Variants in RSPH1 observed in about 807,000 individuals in gnomAD.
RSPH1 encodes radial spoke head component 1, also known as radial spoke head 1 homolog.
Under a neutral mutation model 44.2 loss-of-function variants are expected in RSPH1, and 32 were observed. The ratio of observed to expected loss-of-function variants is 0.72; its 90% CI spans 0.55 to 0.97. The LOEUF (loss-of-function observed/expected upper bound fraction) is 0.97, where lower values mean the gene tolerates loss of function less well. RSPH1 is among the 50% of genes least tolerant of loss of function. RSPH1 has a pLI of 0.00. For synonymous variants in RSPH1, 134 were observed against 147.3 expected, an observed-to-expected ratio of 0.91 and a Z score of 0.65; for missense variants, 391 against 398.7, an observed-to-expected ratio of 0.98 and a Z score of 0.16.
chr21:42,487,142 G>A (rs4920113), intron 3 of RSPH1, among the ~76,000 whole-genome samples: 49,161 of 151,976 alleles, frequency 0.32, 9,447 homozygotes, highest in Admixed American at 0.53. Context: ...GTCCTTATAG[G>A]CTTGGTAGGC....
At chr21:42,484,500 A>G (rs941356457) in intron 5 of RSPH1, among the ~76,000 whole-genome samples, 1 of 152,270 alleles carries the variant, frequency 6.6e-6, no homozygotes, top group African/African-American at 2.4e-5. Flanking sequence ...ATTCTGTGTC[A>G]GATGACTGTA....
At chr21:42,477,594 T>G in intron 6 of RSPH1, 150 bp from the exon 7 acceptor site, 1 of 734,406 alleles carries the variant, frequency 1.4e-6, no homozygotes, top group Non-Finnish European at 2.3e-6. Flanking sequence ...TCAGACCAGT[T>G]GCTGACTATC....
chr21:42,486,504 G>T, intron 3 of RSPH1, 43 bp from the exon 4 acceptor site: 1 of 1,352,056 alleles, frequency 7.4e-7, no homozygotes, highest in Non-Finnish European at 1.1e-6. Flanking sequence ...GAGAAGAAGG[G>T]ATCGATGCCC....
chr21:42,476,795 C>T (rs2054056149), intron 7 of RSPH1, among the ~76,000 whole-genome samples: 1 of 152,150 alleles, frequency 6.6e-6, no homozygotes, highest in South Asian at 2.1e-4. Context: ...CTGTTTCTTT[C>T]CTCTCCCCTC....
chr21:42,493,186 C>A lies in RSPH1; in HGVS notation c.55-107G>T, dbSNP rs921773496. The A allele has an allele frequency of 4.5e-6, 4 of 897,944 alleles. No homozygotes were observed. In the African/African-American group the frequency reaches 5.0e-5, roughly 11 times the overall value. The allele number at this position is 897,944 out of a possible 1,614,324, so 55.6% of individuals were successfully genotyped here. A position where few individuals can be genotyped will look rare whatever the true frequency, so the allele number is the denominator to read the frequency against. On this transcript the variant is annotated intron_variant, in intron 1 of 8. Transcript: ENST00000291536. ...CCTTGAGTCATCCCACTATGCTAAA[C>A]CCCCGGCACTATACTCAATTGTCCC...
In RSPH1 at chr21:42,475,955, G is replaced by A; in HGVS notation, c.820C>T (p.Leu274Phe). 6.2e-7 allele frequency: 1 copy of A among 1,612,640 alleles called. No homozygotes were observed. Among genetic ancestry groups the A allele is most frequent in the Non-Finnish European group, 8.5e-7 (1 of 1,179,740 alleles). ...TCATACTCCCGGCTCTCTTCCCGGAGGACGTCTGCATCTTCATCTCCAGGC... is the reference window on the plus strand; with the variant it reads ...TCATACTCCCGGCTCTCTTCCCGGAAGACGTCTGCATCTTCATCTCCAGGC... ...MRPGDEDADV[L>F]REESREYDQE... The change falls in exon 8 of 9, where the codon CTC becomes TTC. Residue 274 changes from leucine to phenylalanine, a missense_variant. Leu to Phe is a conservative substitution (Grantham distance 22). Coordinates refer to ENST00000291536, the MANE Select transcript of RSPH1 (RefSeq NM_080860.4).
chr21:42,477,922 T>C (rs1238696116), intron 6 of RSPH1, among the ~76,000 whole-genome samples: 2 of 152,096 alleles, frequency 1.3e-5, no homozygotes, highest in Non-Finnish European at 2.9e-5. Context: ...ATATAAATAA[T>C]AAAAGAAACA....
intron 6 of RSPH1, among the ~76,000 whole-genome samples, chr21:42,479,125 C>T (rs144580418): frequency 4.6e-5 from 7 of 152,252 alleles, no homozygotes; most frequent in South Asian, 4.1e-4. Flanking sequence ...ACTCTATAAA[C>T]GTACATATAA....
chr21:42,477,397 T>C lies in RSPH1; in HGVS notation c.621A>G (p.Pro207=). The change falls in exon 7 of 9, where the codon CCA becomes CCG. Residue 207 remains proline (P), a synonymous_variant. Coordinates refer to ENST00000291536, the MANE Select transcript of RSPH1 (RefSeq NM_080860.4). ...EEEEELVTVV[P]KWKATQITEL... ...CAGTGATTTGGGTAGCTTTCCATTT[T>C]GGAACAACAGTTACTAATTCTTCCT... 1 of 1,614,182 alleles carries C rather than the reference T, an allele frequency of 6.2e-7. No individual in the cohort carries two copies. Among genetic ancestry groups the C allele is most frequent in the African/African-American group, 1.3e-5 (1 of 75,074 alleles).
chr21:42,473,624 G>C (rs1417845890), intron 8 of RSPH1, among the ~76,000 whole-genome samples: 2 of 151,954 alleles, frequency 1.3e-5, no homozygotes, highest in Non-Finnish European at 2.9e-5. Context: ...TATTAAAGAA[G>C]AAATTAGCAG....
intron 1 of RSPH1, 199 bp downstream of exon 1, chr21:42,495,934 G>C: frequency 1.7e-6 from 1 of 591,528 alleles, no homozygotes; most frequent in South Asian, 2.0e-5. Flanking sequence ...GTAACCAGAC[G>C]TCACAGCGTT....
intron 6 of RSPH1, 128 bp from the exon 7 acceptor site, chr21:42,477,572 G>T: frequency 1.1e-6 from 1 of 896,182 alleles, no homozygotes; most frequent in Non-Finnish European, 1.7e-6. Context: ...TTTTTAGGAC[G>T]TCACTCAGGA....
chr21:42,493,083 G>T lies in RSPH1; in HGVS notation c.55-4C>A. ...CATTCCGACCCCCCTCATATTCCTG[G>T]GTAATGAAAATTGACACAATTACAG... On this transcript the variant is annotated splice_region_variant and splice_polypyrimidine_tract_variant and intron_variant, in intron 1 of 8. Coordinates refer to ENST00000291536, the MANE Select transcript of RSPH1 (RefSeq NM_080860.4). 1 of 1,611,652 alleles carries T rather than the reference G, an allele frequency of 6.2e-7. No individual in the cohort carries two copies.
At position 42,476,354 on chromosome 21, in the gene RSPH1, G is replaced by C. The variant is rs112095888; in HGVS notation, c.728-307C>G. ...GGGGTTCCTGAGAGTGCCAGCCAGG[G>C]GAGCCAGCAGAGAGGAGAGCTGGGA... On this transcript the variant is annotated intron_variant, in intron 7 of 8. Transcript: ENST00000291536. Among the ~76,000 whole-genome samples the C allele has an allele frequency of 0.05, 7,673 of 152,268 alleles. 210 individuals carry two copies. Among genetic ancestry groups the C allele is most frequent in the Middle Eastern group, 0.095 (28 of 294 alleles).
chr21:42,488,681 C>T (rs1293110696), intron 3 of RSPH1, among the ~76,000 whole-genome samples: 4 of 151,918 alleles, frequency 2.6e-5, no homozygotes, highest in Non-Finnish European at 5.9e-5. Flanking sequence ...TTTTAAAGTC[C>T]CAATCTACTT....
chr21:42,493,214 C>A (rs1274212030), intron 1 of RSPH1, 135 bp from the exon 2 acceptor site: 3 of 761,368 alleles, frequency 3.9e-6, no homozygotes, highest in East Asian at 5.1e-5. Context: ...ATTGTCCCAC[C>A]TTTCCCACCT....
chr21:42,475,584 T>TAA (rs2054037685), intron 8 of RSPH1, among the ~76,000 whole-genome samples: 1 of 141,512 alleles, frequency 7.1e-6, no homozygotes, highest in Non-Finnish European at 1.5e-5. Context: ...AAAAAAAAAA[T>TAA]CATGCAACAG....
intron 3 of RSPH1, among the ~76,000 whole-genome samples, chr21:42,486,914 A>G (rs1473066485): frequency 6.6e-6 from 1 of 152,220 alleles, no homozygotes; most frequent in East Asian, 1.9e-4. Flanking sequence ...CTAACACCAC[A>G]CTTCATTTAC....
chr21:42,481,874 G>A (rs879703199), intron 6 of RSPH1, among the ~76,000 whole-genome samples: 3 of 152,168 alleles, frequency 2.0e-5, no homozygotes, highest in African/African-American at 7.2e-5. Flanking sequence ...GAATGTCAAT[G>A]TAGTGTTAAT....
Sources: gnomAD v4.1 joint callset for allele counts (sites outside exome capture counted in the v4.1 genomes callset) on GRCh38, gnomAD v4.1.1 for gene constraint, MANE v1.5 for transcripts, NCBI Gene and HGNC (gene_info 2026-07-23, HGNC 2026-07-21) for gene names.